The following COL4A1 variants were observed in gnomAD, a reference collection of about 807,000 sequenced individuals.
The protein encoded by COL4A1 is collagen type IV alpha 1 chain.
In COL4A1, 40 loss-of-function variants were observed where a neutral mutation model predicts 216.6. The observed-to-expected ratio is 0.18, with a 90% confidence interval of 0.14 to 0.24. COL4A1 has a LOEUF of 0.24. COL4A1 is among the 10% of genes least tolerant of loss of function. The pLI is 1.00. For missense variants in COL4A1, 1,628 were observed against 2,196.8 expected (o/e 0.74, Z 5.18); for synonymous variants, 839 against 810.7 (o/e 1.03, Z -0.59).
intron 1 of COL4A1, among the ~76,000 whole-genome samples, chr13:110,286,647 G>A (rs1883855489): frequency 6.6e-6 from 1 of 152,180 alleles, no homozygotes; most frequent in Non-Finnish European, 1.5e-5. Flanking sequence ...TTACTTCGTG[G>A]GGCACTGAGA....
Position 110,205,404 on chromosome 13 carries a change from A to G in COL4A1, c.906T>C (p.Gly302=). Reference sequence around the variant, plus strand: ...CTGGGTACCCGGGTTCACCAGGAAAACCCTGAAACCGAAGAGAGAAGCAGT... The same window carrying G: ...CTGGGTACCCGGGTTCACCAGGAAAGCCCTGAAACCGAAGAGAGAAGCAGT... ...DGDKGEKGSP[G]FPGEPGYPGL... Residue 302 remains glycine, a splice_region_variant and synonymous_variant, in exon 17 of 52, where the codon GGT becomes GGC. Transcript: ENST00000375820. The G allele has an allele frequency of 6.2e-7, 1 of 1,614,072 alleles. No individual in the cohort carries two copies. Among genetic ancestry groups the G allele is most frequent in the Non-Finnish European group, 8.5e-7 (1 of 1,180,028 alleles).
intron 1 of COL4A1, among the ~76,000 whole-genome samples, chr13:110,285,817 A>T (rs1041190890): frequency 2.0e-5 from 3 of 151,924 alleles, no homozygotes; most frequent in Admixed American, 1.3e-4. Flanking sequence ...ACACTGTGGG[A>T]CCTCTCAGCC....
rs117738194 is a variant in COL4A1 at position 110,170,596 on chromosome 13, C to T, written c.3693G>A (p.Thr1231=). 6.9e-3 allele frequency: 11,066 copies of T among 1,610,634 alleles called. 445 individuals carry two copies. The Admixed American group carries it at 0.085, about 12-fold the overall frequency. Residue 1231 remains threonine, a synonymous_variant, in exon 42 of 52, where the codon ACG becomes ACA. Coordinates refer to ENST00000375820, the MANE Select transcript of COL4A1 (RefSeq NM_001845.6). The part of the protein sequence containing the change: ...PGLPGSPGHA[T]EGPKGDRGPQ... ...GTCCGCGGTCTCCTTTGGGCCCCTC[C>T]GTGGCATGGCCTGGGGATCCCGGTA...
chr13:110,152,350 T>G lies in COL4A1; in HGVS notation c.4912A>C (p.Arg1638=), dbSNP rs1594527347. The change falls in exon 51 of 52, where the codon AGG becomes CGG. Residue 1638 remains arginine, a synonymous_variant. Coordinates refer to ENST00000375820, the MANE Select transcript of COL4A1 (RefSeq NM_001845.6). ...CCCACTTACTTGAACATCTCGCTCC[T>G]CTCTATGGTGGCGAGCCAAAAGCTG... ...AYSFWLATIE[R]SEMFKKPTPS... is the part of the protein sequence containing the mutation. The G allele has an allele frequency of 2.5e-6, 4 of 1,614,128 alleles. No homozygotes were observed. Among genetic ancestry groups the G allele is most frequent in the Non-Finnish European group, 3.4e-6 (4 of 1,180,024 alleles).
chr13:110,212,733 C>T (rs976048493), intron 4 of COL4A1, 115 bp from the exon 5 acceptor site: 11 of 1,213,904 alleles, frequency 9.1e-6, no homozygotes, highest in African/African-American at 6.0e-5. Flanking sequence ...AGAACACACA[C>T]AAAGCAGACA....
rs561401390 is a variant in COL4A1 at position 110,240,457 on chromosome 13, T to C, written c.144+2218A>G. Among the ~76,000 whole-genome samples the C allele has an allele frequency of 2.2e-3, 338 of 152,350 alleles. 2 individuals carry two copies. Among genetic ancestry groups the C allele is most frequent in the East Asian group, 2.3e-3 (12 of 5,172 alleles). On this transcript the variant is annotated intron_variant, in intron 2 of 51. Coordinates refer to ENST00000375820, the MANE Select transcript of COL4A1 (RefSeq NM_001845.6). Reference sequence around the variant, plus strand: ...AGCTGGCCCCTGTAGGAAGCTGGCATGGAGCCTCCCTCGGGACACAACTTC... The same window carrying C: ...AGCTGGCCCCTGTAGGAAGCTGGCACGGAGCCTCCCTCGGGACACAACTTC...
Position 110,163,783 on chromosome 13 carries a change from C to T in COL4A1, c.4151-222G>A, listed in dbSNP as rs1307449175. ...TAAGGGGGTGTGTGTTTGGGCACCT[C>T]GTTCTGAGTTCTCCCTGGTTTCTTG... On this transcript the variant is annotated intron_variant, in intron 46 of 51. Coordinates refer to ENST00000375820, the MANE Select transcript of COL4A1 (RefSeq NM_001845.6). 3.9e-5 allele frequency among the ~76,000 whole-genome samples: 6 copies of T among 152,022 alleles called. No homozygotes were observed. The East Asian group carries it at 1.2e-3, about 29-fold the overall frequency.
Position 110,179,341 on chromosome 13 carries a change from C to G in COL4A1, c.2274G>C (p.Gly758=). 6.2e-7 allele frequency: 1 copy of G among 1,614,144 alleles called. No homozygotes were observed. The highest frequency in any genetic ancestry group is 1.7e-5 in the Admixed American group (1 of 60,028). ...CAGGAACGCCTGGTACCCCAATGCT[C>G]CCCTTCTCCCCGGGTGTGCCAGGAA... The part of the protein sequence containing the change: ...PGIPGTPGEK[G]SIGVPGVPGE... The change falls in exon 30 of 52, where the codon GGG becomes GGC. Residue 758 remains glycine, a synonymous_variant. Transcript: ENST00000375820.
intron 1 of COL4A1, among the ~76,000 whole-genome samples, chr13:110,271,727 T>G (rs1024315648): frequency 3.3e-5 from 5 of 152,202 alleles, no homozygotes; most frequent in Non-Finnish European, 4.4e-5. Flanking sequence ...AAGACACCGA[T>G]GGGACAAAGG....
At chr13:110,219,816 A>G (rs144171665) in intron 2 of COL4A1, among the ~76,000 whole-genome samples, 39,164 of 133,044 alleles carry the variant, frequency 0.29, 6,324 homozygotes, top group Non-Finnish European at 0.33. Context: ...ATGTGTATAT[A>G]TGTATATATA....
rs748783113 is a variant in COL4A1, at chr13:110,212,610, C to T, written c.288G>A (p.Pro96=). 21 of 1,613,930 alleles carry T rather than the reference C, an allele frequency of 1.3e-5. No individual in the cohort carries two copies. The highest frequency in any genetic ancestry group is 1.8e-5 in the Non-Finnish European group (21 of 1,180,038). Residue 96 remains proline, a synonymous_variant, in exon 5 of 52, where the codon CCG becomes CCA. Transcript: ENST00000375820. ...LPGTKGTRGP[P]GASGYPGNPG... ...GGTTTCCAGGGTAGCCAGATGCTCC[C>T]GGAGGTCCCTGTGAGGGCGGAAGTA...
chr13:110,243,288 A>G (rs1881645135), intron 1 of COL4A1, among the ~76,000 whole-genome samples: 1 of 152,218 alleles, frequency 6.6e-6, no homozygotes, highest in Admixed American at 6.5e-5. Context: ...GTCACATTAA[A>G]GAACAGTCAA....
chr13:110,244,266 A>G (rs1010418049), intron 1 of COL4A1, among the ~76,000 whole-genome samples: 4 of 152,192 alleles, frequency 2.6e-5, no homozygotes, highest in Admixed American at 1.3e-4. Context: ...CTAAATCTGA[A>G]CAAGTGCCTC....
chr13:110,175,421 A>C, intron 36 of COL4A1, 64 bp from the exon 37 acceptor site: 2 of 1,604,306 alleles, frequency 1.2e-6, no homozygotes, highest in Non-Finnish European at 1.7e-6. Context: ...CAAATGAAAA[A>C]GTGCCTCCAC....
intron 46 of COL4A1, among the ~76,000 whole-genome samples, 191 bp from the exon 47 acceptor site, chr13:110,163,752 T>C (rs1877194299): frequency 6.6e-6 from 1 of 152,098 alleles, no homozygotes; most frequent in Admixed American, 6.6e-5. Context: ...AGCAGCTGGA[T>C]ATTCATAAGG....
At chr13:110,189,547 G>A (rs1878543705) in intron 24 of COL4A1, among the ~76,000 whole-genome samples, 1 of 152,156 alleles carries the variant, frequency 6.6e-6, no homozygotes, top group South Asian at 2.1e-4. Flanking sequence ...ACTCAGGAAA[G>A]GTGGAACACA....
At chr13:110,259,869 G>A (rs1349709242) in intron 1 of COL4A1, among the ~76,000 whole-genome samples, 3 of 151,594 alleles carry the variant, frequency 2.0e-5, no homozygotes, top group Admixed American at 2.0e-4. Flanking sequence ...TGGACTAGTC[G>A]GCTGACATGC....
chr13:110,192,369 A>C, intron 23 of COL4A1, 85 bp from the exon 24 acceptor site: 1 of 1,290,478 alleles, frequency 7.7e-7, no homozygotes, highest in Non-Finnish European at 1.1e-6. Context: ...CAAAAGCATA[A>C]AAATCTGTAT....
chr13:110,174,085 T>C, intron 39 of COL4A1, 87 bp from the exon 40 acceptor site: 1 of 1,414,336 alleles, frequency 7.1e-7, no homozygotes, highest in Admixed American at 1.8e-5. Context: ...CTGACATCCT[T>C]TAAGGGAGCT....
Sources: allele counts gnomAD v4.1 joint callset (sites outside exome capture counted in the v4.1 genomes callset), GRCh38; gene constraint gnomAD v4.1.1; transcripts MANE v1.5; gene names NCBI Gene and HGNC (gene_info 2026-07-23, HGNC 2026-07-21).